Variants in ADGRL3 observed in about 807,000 individuals in gnomAD.
The protein encoded by ADGRL3 is calcium-independent alpha-latrotoxin receptor 3.
ADGRL3 carries 62 observed loss-of-function variants against 153.5 expected under a neutral mutation model. The ratio of observed to expected loss-of-function variants is 0.40; its 90% CI spans 0.33 to 0.50. The LOEUF is 0.50. Ranked by LOEUF, ADGRL3 falls within the 20% of genes least tolerant of loss-of-function variation. The pLI, the probability that ADGRL3 is intolerant of heterozygous loss-of-function variation, is 0.47. For synonymous variants in ADGRL3, 710 were observed against 672.5 expected, an observed-to-expected ratio of 1.06 and a Z score of -0.86; for missense variants, 1,641 against 1,859.4, an observed-to-expected ratio of 0.88 and a Z score of 2.16.
At chr4:61,215,150 A>C (rs560845057) in intron 1 of ADGRL3, among the ~76,000 whole-genome samples, 2 of 152,320 alleles carry the variant, frequency 1.3e-5, no homozygotes, top group African/African-American at 4.8e-5. Context: ...TTGTACAGAC[A>C]TATTTACGAT....
chr4:61,899,829 T>A (rs2098654193), intron 11 of ADGRL3, among the ~76,000 whole-genome samples: 1 of 152,208 alleles, frequency 6.6e-6, no homozygotes, highest in South Asian at 2.1e-4. Flanking sequence ...AATCCTCACA[T>A]GGTGGAAGGG....
intron 1 of ADGRL3, among the ~76,000 whole-genome samples, chr4:61,328,760 C>T (rs553930258): frequency 6.6e-6 from 1 of 152,050 alleles, no homozygotes; most frequent in South Asian, 2.1e-4. Context: ...TTAGATGATA[C>T]AATTGGCCTC....
intron 1 of ADGRL3, among the ~76,000 whole-genome samples, chr4:61,366,803 T>A (rs1385607828): frequency 6.6e-6 from 1 of 152,200 alleles, no homozygotes; most frequent in East Asian, 1.9e-4. Flanking sequence ...TTGTTATTTT[T>A]ACTGTTATTC....
At chr4:62,000,426 T>C (rs1014593586) in intron 21 of ADGRL3, among the ~76,000 whole-genome samples, 2 of 152,038 alleles carry the variant, frequency 1.3e-5, no homozygotes, top group African/African-American at 4.8e-5. Flanking sequence ...TGAATCTTTA[T>C]GATATCATTG....
At chr4:61,713,706 A>C (rs2096049735) in intron 6 of ADGRL3, among the ~76,000 whole-genome samples, 1 of 152,138 alleles carries the variant, frequency 6.6e-6, no homozygotes, top group African/African-American at 2.4e-5. Context: ...AAGAAATAAG[A>C]GCCCAAAAAA....
intron 5 of ADGRL3, among the ~76,000 whole-genome samples, chr4:61,599,231 G>T (rs1428280329): frequency 6.6e-6 from 1 of 152,228 alleles, no homozygotes; most frequent in Non-Finnish European, 1.5e-5. Flanking sequence ...AGGCCCATCT[G>T]TCTAGATTCT....
At chr4:61,719,631 C>A (rs1278431799) in intron 6 of ADGRL3, among the ~76,000 whole-genome samples, 1 of 138,482 alleles carries the variant, frequency 7.2e-6, no homozygotes, top group African/African-American at 2.7e-5. Context: ...AAGACAGAGT[C>A]TCACCCGGTC....
chr4:61,995,505 A>T (rs934382550), intron 19 of ADGRL3, among the ~76,000 whole-genome samples: 1 of 152,160 alleles, frequency 6.6e-6, no homozygotes, highest in African/African-American at 2.4e-5. Flanking sequence ...ATTATGGCAA[A>T]ATGGCAAATA....
At chr4:61,955,482 G>A (rs1007058003) in intron 17 of ADGRL3, among the ~76,000 whole-genome samples, 2 of 152,068 alleles carry the variant, frequency 1.3e-5, no homozygotes, top group African/African-American at 4.8e-5. Context: ...GTACATGACA[G>A]TTAAACACAA....
At chr4:61,689,414 A>G (rs958443369) in intron 6 of ADGRL3, among the ~76,000 whole-genome samples, 4 of 152,178 alleles carry the variant, frequency 2.6e-5, no homozygotes, top group African/African-American at 9.6e-5. Context: ...TTATAAAACA[A>G]TCTAAACCAT....
At chr4:61,591,174 AG>A (rs1433682749) in intron 5 of ADGRL3, among the ~76,000 whole-genome samples, 1 of 152,148 alleles carries the variant, frequency 6.6e-6, no homozygotes, top group Admixed American at 6.5e-5. Flanking sequence ...TTTTAATAAA[AG>A]GTTTCATATA....
At chr4:61,527,114 C>T (rs1560785978) in intron 4 of ADGRL3, among the ~76,000 whole-genome samples, 1 of 151,880 alleles carries the variant, frequency 6.6e-6, no homozygotes, top group South Asian at 2.1e-4. Context: ...TACATTAGTA[C>T]TTTCGTAATT....
chr4:61,215,646 G>A (rs562413129), intron 1 of ADGRL3, among the ~76,000 whole-genome samples: 1 of 143,964 alleles, frequency 6.9e-6, no homozygotes. Flanking sequence ...CCGCCTCCCG[G>A]GTTCACGCCA....
intron 11 of ADGRL3, among the ~76,000 whole-genome samples, chr4:61,902,201 G>A (rs1017438583): frequency 6.6e-5 from 10 of 152,178 alleles, no homozygotes; most frequent in Non-Finnish European, 2.9e-5. Context: ...TGAATTGGGA[G>A]CAGCTGTGGG....
chr4:61,946,976 G>T lies in ADGRL3; in HGVS notation c.2482G>T (p.Ala828Ser). ...NLGPYLSTEN[A>S]SMKLGTEALS... The stretch of plus-strand genomic sequence containing the variant: ...GGGTCCTTATTTATCCACGGAGAAT[G>T]CCAGTATGAAGTTGGGAACGGAAGC... The change falls in exon 16 of 27, where the codon GCC becomes TCC. Residue 828 changes from alanine to serine, a missense_variant. Ala to Ser is a moderately conservative substitution (Grantham distance 99). Coordinates refer to ENST00000683033, the MANE Select transcript of ADGRL3 (RefSeq NM_001387552.1). The T allele has an allele frequency of 6.2e-7, 1 of 1,613,816 alleles. No individual in the cohort carries two copies. Among genetic ancestry groups the T allele is most frequent in the East Asian group, 2.2e-5 (1 of 44,838 alleles).
intron 4 of ADGRL3, among the ~76,000 whole-genome samples, chr4:61,542,130 G>A (rs1021042041): frequency 8.6e-5 from 13 of 151,988 alleles, no homozygotes; most frequent in African/African-American, 2.9e-4. Flanking sequence ...ACTGTAACTG[G>A]AATCTGGATA....
At chr4:61,933,905 A>T (rs2098827898) in intron 13 of ADGRL3, 1 of 152,328 alleles carries the variant, frequency 6.6e-6, no homozygotes, top group South Asian at 2.1e-4. Flanking sequence ...TTTCTGGATT[A>T]GATGCATATT....
intron 6 of ADGRL3, among the ~76,000 whole-genome samples, chr4:61,693,572 G>A (rs898288547): frequency 6.6e-6 from 1 of 152,114 alleles, no homozygotes; most frequent in African/African-American, 2.4e-5. Context: ...ACCTCCATTA[G>A]TACTCACATC....
At chr4:61,456,585 T>A (rs944568501) in intron 2 of ADGRL3, among the ~76,000 whole-genome samples, 1 of 150,208 alleles carries the variant, frequency 6.7e-6, no homozygotes, top group African/African-American at 2.4e-5. Context: ...ATACTTATTG[T>A]CTGTTTTTCC....
Sources: gnomAD v4.1 joint callset for allele counts (sites outside exome capture counted in the v4.1 genomes callset) on GRCh38, gnomAD v4.1.1 for gene constraint, MANE v1.5 for transcripts, NCBI Gene and HGNC (gene_info 2026-07-23, HGNC 2026-07-21) for gene names.